Variants in HCN1 observed in about 807,000 individuals in gnomAD.
HCN1 encodes the protein hyperpolarization activated cyclic nucleotide gated potassium channel 1, also known as potassium/sodium hyperpolarization-activated cyclic nucleotide-gated channel 1.
HCN1 carries 13 observed loss-of-function variants against 78.9 expected under a neutral mutation model. That is an observed-to-expected ratio of 0.16 (90% CI 0.11 to 0.26). The LOEUF is 0.26. Ranked by LOEUF, HCN1 falls within the 10% of genes least tolerant of loss-of-function variation. The pLI is 1.00. For synonymous variants in HCN1, 552 were observed against 455.5 expected (o/e 1.21, Z -2.70); for missense variants, 810 against 1,154.3 (o/e 0.70, Z 4.32).
intron 3 of HCN1, among the ~76,000 whole-genome samples, chr5:45,455,432 G>A (rs1227144337): frequency 2.0e-5 from 3 of 152,000 alleles, no homozygotes; most frequent in Admixed American, 6.6e-5. Flanking sequence ...ATAAAAGCAT[G>A]TTAGAATGTA....
In HCN1 at chr5:45,462,292, T is replaced by TTATA. The variant is rs374836434; in HGVS notation, c.850-286_850-285insTATA. ...ATCGATGTTGCCAGAAGTTTTTATT[T>TTATA]ATTGTTCTTTTGCATATTTTAGCAA... On this transcript the variant is annotated intron_variant, in intron 2 of 7. Coordinates refer to ENST00000303230, the MANE Select transcript of HCN1 (RefSeq NM_021072.4). Among the ~76,000 whole-genome samples, 837 of 152,264 alleles carry TTATA rather than the reference T, an allele frequency of 5.5e-3. 5 individuals are homozygous for TTATA. Among genetic ancestry groups the TTATA allele is most frequent in the African/African-American group, 0.019 (793 of 41,578 alleles).
intron 3 of HCN1, among the ~76,000 whole-genome samples, chr5:45,451,189 T>C (rs1740911463): frequency 6.6e-6 from 1 of 152,156 alleles, no homozygotes; most frequent in Non-Finnish European, 1.5e-5. Context: ...AAACTGTCTC[T>C]ACATCTCTCA....
At chr5:45,452,322 T>C (rs1028860026) in intron 3 of HCN1, among the ~76,000 whole-genome samples, 3 of 151,584 alleles carry the variant, frequency 2.0e-5, no homozygotes, top group Admixed American at 2.0e-4. Context: ...GTATTTAGTT[T>C]TTTTTTTTTG....
At chr5:45,658,696 C>G (rs1291558161) in intron 1 of HCN1, among the ~76,000 whole-genome samples, 2 of 151,512 alleles carry the variant, frequency 1.3e-5, no homozygotes, top group African/African-American at 2.4e-5. Context: ...GGGTGAGGGA[C>G]GCACCTGGAA....
intron 1 of HCN1, among the ~76,000 whole-genome samples, chr5:45,657,872 C>T (rs1244431021): frequency 1.3e-5 from 2 of 152,168 alleles, no homozygotes; most frequent in Admixed American, 1.3e-4. Flanking sequence ...ACTTTCTTCA[C>T]AGAATTGGAA....
intron 2 of HCN1, among the ~76,000 whole-genome samples, chr5:45,541,262 T>C (rs1021464850): frequency 3.9e-5 from 6 of 152,114 alleles, no homozygotes; most frequent in Non-Finnish European, 7.4e-5. Context: ...TGAAAAAAAA[T>C]GCAGCAAATT....
At chr5:45,675,446 C>T (rs1158769823) in intron 1 of HCN1, among the ~76,000 whole-genome samples, 1 of 151,732 alleles carries the variant, frequency 6.6e-6, no homozygotes, top group African/African-American at 2.4e-5. Context: ...ATCCAAAAGC[C>T]AAAACCCAAA....
At chr5:45,496,504 C>G (rs184017022) in intron 2 of HCN1, among the ~76,000 whole-genome samples, 283 of 152,218 alleles carry the variant, frequency 1.9e-3, no homozygotes, top group African/African-American at 6.5e-3. Context: ...GTCCTGGACT[C>G]TTTTTGGTTG....
chr5:45,263,336 A>G (rs1744788524), intron 7 of HCN1, among the ~76,000 whole-genome samples: 1 of 152,034 alleles, frequency 6.6e-6, no homozygotes, highest in Non-Finnish European at 1.5e-5. Flanking sequence ...GAGAAGACTA[A>G]GAACAGTGCC....
intron 1 of HCN1, among the ~76,000 whole-genome samples, chr5:45,676,900 G>A (rs1364612825): frequency 6.6e-6 from 1 of 151,766 alleles, no homozygotes; most frequent in Non-Finnish European, 1.5e-5. Flanking sequence ...CTGTCGATCA[G>A]CTATCATCTA....
intron 2 of HCN1, chr5:45,575,931 T>A (rs1743933655): frequency 6.6e-6 from 1 of 152,108 alleles, no homozygotes; most frequent in African/African-American, 2.4e-5. Context: ...ATAGCTGCCA[T>A]AGATGGTGAT....
At chr5:45,608,142 A>G (rs1247773285) in intron 2 of HCN1, among the ~76,000 whole-genome samples, 2 of 152,016 alleles carry the variant, frequency 1.3e-5, no homozygotes, top group African/African-American at 4.8e-5. Context: ...TCAGTATTAA[A>G]TATTTTGGAA....
chr5:45,459,536 C>A (rs1404212870), intron 3 of HCN1, among the ~76,000 whole-genome samples: 2 of 151,888 alleles, frequency 1.3e-5, no homozygotes, highest in Admixed American at 6.6e-5. Context: ...CACAAACACA[C>A]ACATGAACAC....
intron 5 of HCN1, among the ~76,000 whole-genome samples, chr5:45,345,924 T>C (rs1156730585): frequency 3.3e-5 from 5 of 152,214 alleles, no homozygotes; most frequent in African/African-American, 7.2e-5. Flanking sequence ...AATAAAGACA[T>C]ACTCGAAAAT....
chr5:45,396,739 C>G (rs376521369), intron 3 of HCN1, 29 bp from the exon 4 acceptor site: 5 of 1,569,738 alleles, frequency 3.2e-6, no homozygotes, highest in Non-Finnish European at 4.4e-6. Flanking sequence ...AGAAAATTGA[C>G]TGAGCCATTA....
chr5:45,298,040 C>T (rs1745534994), intron 6 of HCN1, among the ~76,000 whole-genome samples: 1 of 151,884 alleles, frequency 6.6e-6, no homozygotes, highest in South Asian at 2.1e-4. Flanking sequence ...GATGCTTTCT[C>T]CCAAAATCAA....
intron 5 of HCN1, among the ~76,000 whole-genome samples, chr5:45,330,350 G>A (rs1746319890): frequency 6.6e-6 from 1 of 151,088 alleles, no homozygotes; most frequent in Admixed American, 6.6e-5. Context: ...TATATCAACA[G>A]TTTGTTGGAA....
intron 6 of HCN1, among the ~76,000 whole-genome samples, chr5:45,274,092 C>T (rs1579770983): frequency 6.6e-6 from 1 of 152,150 alleles, no homozygotes; most frequent in East Asian, 1.9e-4. Context: ...TTGAATACAA[C>T]AAATTTCTAA....
chr5:45,267,085 G>A lies in HCN1; in HGVS notation c.1783+4C>T, dbSNP rs188586020. ...TATATAAAGAAGGTAGAAAACTAGA[G>A]TACCTATTCGATCTAGTCGGTCAAT... On this transcript the variant is annotated splice_donor_region_variant and intron_variant, in intron 7 of 7. Coordinates refer to ENST00000303230, the MANE Select transcript of HCN1 (RefSeq NM_021072.4). The A allele has an allele frequency of 3.6e-4, 576 of 1,606,660 alleles. 2 individuals are homozygous for A. The African/African-American group carries it at 6.9e-3, about 19-fold the overall frequency.
Sources: allele counts gnomAD v4.1 joint callset (sites outside exome capture counted in the v4.1 genomes callset), GRCh38; gene constraint gnomAD v4.1.1; transcripts MANE v1.5; gene names NCBI Gene and HGNC (gene_info 2026-07-23, HGNC 2026-07-21).